Variants in RPRD2 observed in about 807,000 individuals in gnomAD.
RPRD2 encodes regulation of nuclear pre-mRNA domain-containing protein 2.
Under a neutral mutation model 104.4 loss-of-function variants are expected in RPRD2, and 12 were observed. The ratio of observed to expected loss-of-function variants is 0.11; its 90% CI spans 0.07 to 0.19. The LOEUF (loss-of-function observed/expected upper bound fraction) is 0.19, where lower values mean the gene tolerates loss of function less well. Among genes scored for constraint, RPRD2 ranks in the 10% least tolerant of loss-of-function variants. The probability of loss-of-function intolerance (pLI) is 1.00; values close to 1 mark genes in which losing one functional copy is unlikely to be tolerated. For missense variants in RPRD2, 1,543 were observed against 1,790.1 expected (o/e 0.86, Z 2.49); for synonymous variants, 714 against 684.9 (o/e 1.04, Z -0.66).
intron 1 of RPRD2, among the ~76,000 whole-genome samples, chr1:150,407,369 C>T (rs1288719092): frequency 6.6e-6 from 1 of 152,104 alleles, no homozygotes; most frequent in Admixed American, 6.6e-5. Flanking sequence ...ACATACAGCA[C>T]CATTTGTTCA....
chr1:150,377,843 A>G (rs917248561), intron 1 of RPRD2, among the ~76,000 whole-genome samples: 5 of 152,108 alleles, frequency 3.3e-5, no homozygotes, highest in Admixed American at 2.0e-4. Context: ...ATGAATTTAT[A>G]AAATATAGAT....
At chr1:150,379,127 A>AC in intron 1 of RPRD2, among the ~76,000 whole-genome samples, 1 of 151,308 alleles carries the variant, frequency 6.6e-6, no homozygotes. Flanking sequence ...CTAAAAAAAA[A>AC]CAAAAATTAG....
chr1:150,364,640 A>T lies in RPRD2; in HGVS notation c.-75A>T. ...CTACGGCTTTCACGCACTCGCAGTG[A>T]TTGTTTTGCCCGCTCCCGCCGCCGC... On this transcript the variant is annotated 5_prime_UTR_variant, in exon 1 of 11. Transcript: ENST00000369068. The T allele has an allele frequency of 1.4e-6, 1 of 737,674 alleles. No individual in the cohort carries two copies. Among genetic ancestry groups the T allele is most frequent in the Admixed American group, 2.9e-5 (1 of 34,608 alleles). The allele number at this position is 737,674 out of a possible 1,614,324, so 45.7% of individuals were successfully genotyped here.
rs587652376 is a variant in RPRD2 at position 150,418,942 on chromosome 1, G to A, written c.335+1217G>A. On this transcript the variant is annotated intron_variant, in intron 2 of 10. Transcript: ENST00000369068. ...CAGGAGAATGGCTTGAACCCAGGAG[G>A]CAGAGCTTGCAGTAAGCCGAGATCA... is the stretch of plus-strand genomic sequence containing the variant. 3.3e-5 allele frequency among the ~76,000 whole-genome samples: 5 copies of A among 152,212 alleles called. No individual in the cohort carries two copies. The South Asian group carries it at 1.0e-3, about 32-fold the overall frequency.
rs1052508367 is a variant in RPRD2 at position 150,475,230 on chromosome 1, G to A, written c.*1896G>A. On this transcript the variant is annotated 3_prime_UTR_variant, in exon 11 of 11. Transcript: ENST00000369068. Reference sequence around the variant, plus strand: ...ATTGAGTCCTAAGACATTTGTTAGGGAAAAGCATAAGAGAAAATGGGGTGG... The same window carrying A: ...ATTGAGTCCTAAGACATTTGTTAGGAAAAAGCATAAGAGAAAATGGGGTGG... 2.6e-5 allele frequency: 4 copies of A among 151,918 alleles called. No individual in the cohort carries two copies. Among genetic ancestry groups the A allele is most frequent in the African/African-American group, 4.8e-5 (2 of 41,370 alleles). The allele number at this position is 151,918 out of a possible 1,614,324, so 9.4% of individuals were successfully genotyped here.
chr1:150,445,122 AGTGAACTCTCATCAT>A (rs1666672235), intron 6 of RPRD2, among the ~76,000 whole-genome samples: 1 of 152,212 alleles, frequency 6.6e-6, no homozygotes, highest in Admixed American at 6.5e-5. Flanking sequence ...AGGAGGCTGT[AGTGAACTCTCATCAT>A]GTCACTGCAC....
intron 1 of RPRD2, among the ~76,000 whole-genome samples, chr1:150,366,263 T>C (rs1323170396): frequency 2.6e-5 from 4 of 152,276 alleles, no homozygotes; most frequent in Non-Finnish European, 5.9e-5. Flanking sequence ...ACTTCTGCCA[T>C]TGCTCCTGTA....
At chr1:150,437,649 G>A (rs1553893449) in intron 2 of RPRD2, among the ~76,000 whole-genome samples, 1 of 151,922 alleles carries the variant, frequency 6.6e-6, no homozygotes, top group Non-Finnish European at 1.5e-5. Context: ...GTGTTGTCAG[G>A]GCTCACTGCA....
At chr1:150,388,445 CACAT>C (rs1364508201) in intron 1 of RPRD2, among the ~76,000 whole-genome samples, 1 of 146,686 alleles carries the variant, frequency 6.8e-6, no homozygotes, top group Non-Finnish European at 1.5e-5. Context: ...CATGTATACA[CACAT>C]ATATATGTAT....
chr1:150,460,037 A>C, intron 8 of RPRD2, 23 bp from the exon 9 acceptor site: 1 of 1,610,210 alleles, frequency 6.2e-7, no homozygotes, highest in Non-Finnish European at 8.5e-7. Context: ...AGGATGTAAT[A>C]TCTCTTTTCT....
chr1:150,388,112 C>A (rs1661738228), intron 1 of RPRD2, among the ~76,000 whole-genome samples: 1 of 151,274 alleles, frequency 6.6e-6, no homozygotes, highest in East Asian at 1.9e-4. Flanking sequence ...GAGACGGGGT[C>A]TCACTATGTT....
At chr1:150,423,671 C>G (rs1664916293) in intron 2 of RPRD2, among the ~76,000 whole-genome samples, 1 of 152,092 alleles carries the variant, frequency 6.6e-6, no homozygotes, top group Non-Finnish European at 1.5e-5. Context: ...GCTCCAAAAT[C>G]TGGAGCTTTT....
intron 1 of RPRD2, among the ~76,000 whole-genome samples, chr1:150,391,879 G>A (rs1184487801): frequency 6.6e-6 from 1 of 152,106 alleles, no homozygotes; most frequent in Non-Finnish European, 1.5e-5. Flanking sequence ...CTGCACTCCA[G>A]CCTGGGCAAC....
rs1299258596 is a variant in RPRD2, at chr1:150,472,239, G to C, written c.3291G>C (p.Arg1097Ser). ...GTTATCACAGTGCATCCAATAGGAGGATGTCAGGGGAGCCGATCCAGACCG... is the reference window on the plus strand; with the variant it reads ...GTTATCACAGTGCATCCAATAGGAGCATGTCAGGGGAGCCGATCCAGACCG... ...TLGYHSASNR[R>S]MSGEPIQTVE... Residue 1097 changes from arginine (R) to serine (S), a missense_variant, in exon 11 of 11, where the codon AGG becomes AGC. Physicochemically the swap from Arg to Ser is moderately radical, Grantham distance 110. Coordinates refer to ENST00000369068, the MANE Select transcript of RPRD2 (RefSeq NM_015203.5). The C allele has an allele frequency of 6.2e-7, 1 of 1,613,966 alleles. No homozygotes were observed. The highest frequency in any genetic ancestry group is 2.2e-5 in the East Asian group (1 of 44,878).
chr1:150,446,914 C>G (rs1362329013), intron 7 of RPRD2, among the ~76,000 whole-genome samples: 4 of 149,776 alleles, frequency 2.7e-5, no homozygotes, highest in African/African-American at 9.9e-5. Context: ...CAGCACACAG[C>G]AACCTCCGCC....
chr1:150,472,400 T>C lies in RPRD2; in HGVS notation c.3452T>C (p.Leu1151Pro). ...GPSSASELASLGGGGSGGLTG... is the reference protein window; with the variant it reads ...GPSSASELASPGGGGSGGLTG... ...TCAAGTGCCTCTGAGTTGGCATCCC[T>C]TGGGGGTGGGGGCAGCGGAGGCCTC... The change falls in exon 11 of 11, where the codon CTT (leucine) becomes CCT (proline). Residue 1151 changes from leucine (L) to proline (P), a missense_variant. By Grantham distance (98) the Leu-to-Pro change is moderately conservative (BLOSUM62 -3). Around this residue, in one of 4 missense-constraint regions of RPRD2, gnomAD observed 880 missense variants for 885.6 expected, o/e 0.99. Transcript: ENST00000369068. 1 of 1,613,998 alleles carries C rather than the reference T, an allele frequency of 6.2e-7. No homozygotes were observed. The highest frequency in any genetic ancestry group is 8.5e-7 in the Non-Finnish European group (1 of 1,179,880).
At chr1:150,439,217 TAAC>T (rs1666240119) in intron 2 of RPRD2, among the ~76,000 whole-genome samples, 1 of 152,220 alleles carries the variant, frequency 6.6e-6, no homozygotes, top group Non-Finnish European at 1.5e-5. Context: ...ATTTACAAGA[TAAC>T]AATTTCAGCA....
In RPRD2 at chr1:150,364,931, G is replaced by T. The variant is rs1434020684; in HGVS notation, c.205+12G>T. Reference sequence around the variant, plus strand: ...GTGGCTCCGGAGATGTGAGTGTTGGGGGTGACTAGGGAAGGGAAGACTGGG... The same window carrying T: ...GTGGCTCCGGAGATGTGAGTGTTGGTGGTGACTAGGGAAGGGAAGACTGGG... On this transcript the variant is annotated intron_variant, in intron 1 of 10. Transcript: ENST00000369068. 2.5e-6 allele frequency: 4 copies of T among 1,612,912 alleles called. No individual in the cohort carries two copies. In the East Asian group the frequency reaches 8.9e-5, roughly 36 times the overall value.
At position 150,364,484 on chromosome 1, in the gene RPRD2, C is replaced by T. The variant is rs1553876754; in HGVS notation, c.-231C>T. ...GACCCCTTGAACAATATTGATAAAA[C>T]CTCCGAGACCCGCAGCCCCTCCTTG... On this transcript the variant is annotated 5_prime_UTR_variant, in exon 1 of 11. Coordinates refer to ENST00000369068, the MANE Select transcript of RPRD2 (RefSeq NM_015203.5). Among the ~76,000 whole-genome samples, 1 of 152,072 alleles carries T rather than the reference C, an allele frequency of 6.6e-6. No individual in the cohort carries two copies. Among genetic ancestry groups the T allele is most frequent in the Non-Finnish European group, 1.5e-5 (1 of 68,014 alleles).
Sources: gnomAD v4.1 joint callset for allele counts (sites outside exome capture counted in the v4.1 genomes callset) on GRCh38, gnomAD v4.1.1 for gene constraint, gnomAD v4.1.1 regional missense constraint, MANE v1.5 for transcripts, NCBI Gene and HGNC (gene_info 2026-07-23, HGNC 2026-07-21) for gene names.